TTN: variants seen among roughly 807,000 people sequenced by gnomAD.
TTN encodes the protein titin.
Under a neutral mutation model 3,223.0 loss-of-function variants are expected in TTN, and 1,525 were observed. The ratio of observed to expected loss-of-function variants is 0.47; its 90% CI spans 0.45 to 0.49. The LOEUF (loss-of-function observed/expected upper bound fraction) is 0.49, where lower values mean the gene tolerates loss of function less well. TTN is among the 20% of genes least tolerant of loss of function. The pLI is 0.00. For missense variants in TTN, 40,786 were observed against 43,424.0 expected, an observed-to-expected ratio of 0.94 and a Z score of 5.40; for synonymous variants, 14,094 against 15,161.0, an observed-to-expected ratio of 0.93 and a Z score of 5.17.
rs377630924 is a variant in TTN, at chr2:178,785,878, A to C, written c.2340T>G (p.Thr780=). The C allele has an allele frequency of 4.3e-6, 7 of 1,614,014 alleles. No individual in the cohort carries two copies. Among genetic ancestry groups the C allele is most frequent in the Non-Finnish European group, 5.9e-6 (7 of 1,180,002 alleles). The change falls in exon 14 of 363, where the codon ACT becomes ACG. Residue 780 remains threonine, a synonymous_variant. Coordinates refer to ENST00000589042, the MANE Select transcript of TTN (RefSeq NM_001267550.2). ...ATGATATGTGCATTCCCTTTTGATCAGTAGTTTTGATATGAGTCTCAGAAG... is the reference window on the plus strand; with the variant it reads ...ATGATATGTGCATTCCCTTTTGATCCGTAGTTTTGATATGAGTCTCAGAAG... ...QAPSETHIKT[T]DQKGMHISSQ...
rs794729453 is a variant in TTN at position 178,611,238 on chromosome 2, A to G, written c.50891T>C (p.Ile16964Thr). ...TAACTTTTCACCTTCAATAACAATA[A>G]TGTCATGAGTCTCCAGGTCAATTGT... ...KPTIDLETHD[I>T]IVIEGEKLSI... The change falls in exon 270 of 363, where the codon ATT becomes ACT. Residue 16964 changes from isoleucine (I) to threonine (T), a missense_variant. Ile to Thr is a moderately conservative substitution (Grantham distance 89, BLOSUM62 -1). Transcript: ENST00000589042. 12 of 1,612,516 alleles carry G rather than the reference A, an allele frequency of 7.4e-6. No individual in the cohort carries two copies. Among genetic ancestry groups the G allele is most frequent in the Middle Eastern group, 1.7e-4 (1 of 6,046 alleles).
chr2:178,797,580 C>T (rs1392862988), intron 6 of TTN, among the ~76,000 whole-genome samples: 1 of 151,944 alleles, frequency 6.6e-6, no homozygotes, highest in Admixed American at 6.6e-5. Flanking sequence ...CAATATTTTG[C>T]TTGTTTATGG....
Position 178,611,014 on chromosome 2 carries a change from A to T in TTN, c.51115T>A (p.Ser17039Thr). 1 of 1,612,446 alleles carries T rather than the reference A, an allele frequency of 6.2e-7. No homozygotes were observed. Among genetic ancestry groups the T allele is most frequent in the Non-Finnish European group, 8.5e-7 (1 of 1,179,036 alleles). Reference protein sequence around the residue: ...LENKLGSATASINVKVIGLPG... With the variant: ...LENKLGSATATINVKVIGLPG... ...TTACCTATGACTTTGACATTGATTG[A>T]GGCTGTTGCTGAGCCGAGCTTATTC... is the stretch of plus-strand genomic sequence containing the variant. The change falls in exon 270 of 363, where the codon TCA becomes ACA. Residue 17039 changes from serine (S) to threonine (T), a missense_variant. By Grantham distance (58) the Ser-to-Thr change is moderately conservative. Coordinates refer to ENST00000589042, the MANE Select transcript of TTN (RefSeq NM_001267550.2).
At position 178,790,574 on chromosome 2, in the gene TTN, A is replaced by G. The variant is rs1259241644; in HGVS notation, c.1800+134T>C. 2.1e-6 allele frequency: 3 copies of G among 1,436,040 alleles called. No individual in the cohort carries two copies. The African/African-American group carries it at 4.2e-5, about 20-fold the overall frequency. 89.0% of individuals were successfully genotyped at this position (1,436,040 alleles called of 1,614,324 possible). A position where few individuals can be genotyped will look rare whatever the true frequency, so the allele number is the denominator to read the frequency against. On this transcript the variant is annotated intron_variant, in intron 11 of 362. Coordinates refer to ENST00000589042, the MANE Select transcript of TTN (RefSeq NM_001267550.2). ...GACAGTGAAAGGTAGCTGTGTGGGA[A>G]AAGAAATTTTCTATTTGCATTATAA...
At chr2:178,674,208 T>C (rs1577243993) in intron 151 of TTN, 106 bp downstream of exon 151, 7 of 709,302 alleles carry the variant, frequency 9.9e-6, no homozygotes, top group Non-Finnish European at 1.7e-5. Context: ...CACTTTATCA[T>C]GGATACGATA....
rs763159940 is a variant in TTN at position 178,651,549 on chromosome 2, T to C, written c.39464-13A>G. 1.2e-6 allele frequency: 2 copies of C among 1,612,614 alleles called. No individual in the cohort carries two copies. The highest frequency in any genetic ancestry group is 1.7e-6 in the Non-Finnish European group (2 of 1,179,332). ...GGCACCTCGGGCACTATAAAAGATA[T>C]TAGTAGTTGTTTAAGCTCATGGTTT... On this transcript the variant is annotated splice_polypyrimidine_tract_variant and intron_variant, in intron 206 of 362. Coordinates refer to ENST00000589042, the MANE Select transcript of TTN (RefSeq NM_001267550.2).
Position 178,730,229 on chromosome 2 carries a change from G to C in TTN, c.18171C>G (p.Ala6057=). The C allele has an allele frequency of 6.2e-7, 1 of 1,613,424 alleles. No individual in the cohort carries two copies. The highest frequency in any genetic ancestry group is 8.5e-7 in the Non-Finnish European group (1 of 1,179,650). ...AGGTGTCATCCTTCCAAACTGAGCGGGCTGCTCCTGAGTGTAACTCTTTGT... is the reference window on the plus strand; with the variant it reads ...AGGTGTCATCCTTCCAAACTGAGCGCGCTGCTCCTGAGTGTAACTCTTTGT... The part of the protein sequence containing the change: ...KDNKELHSGA[A]RSVWKDDTST... Residue 6057 remains alanine, a synonymous_variant, in exon 62 of 363, where the codon GCC becomes GCG. Coordinates refer to ENST00000589042, the MANE Select transcript of TTN (RefSeq NM_001267550.2).
At position 178,651,241 on chromosome 2, in the gene TTN, A is replaced by G. The variant is rs774766702; in HGVS notation, c.39625+2T>C. 1.2e-6 allele frequency: 2 copies of G among 1,612,380 alleles called. No homozygotes were observed. The highest frequency in any genetic ancestry group is 2.2e-5 in the South Asian group (2 of 90,954). ...CTGCAGAATCTCATTAGTGACATGTACCTTTTGCTGGTGGGACTTCTGGCT... is the reference window on the plus strand; with the variant it reads ...CTGCAGAATCTCATTAGTGACATGTGCCTTTTGCTGGTGGGACTTCTGGCT... On this transcript the variant is annotated splice_donor_variant, in intron 208 of 362. Coordinates refer to ENST00000589042, the MANE Select transcript of TTN (RefSeq NM_001267550.2). LOFTEE classifies it high-confidence loss of function.
chr2:178,708,667 A>G (rs2562842), intron 99 of TTN, among the ~76,000 whole-genome samples: 7,582 of 152,228 alleles, frequency 0.05, 301 homozygotes, highest in East Asian at 0.19. Context: ...TATATTTTTC[A>G]TTTTATAAAA....
Position 178,630,926 on chromosome 2 carries a change from C to G in TTN, c.44032G>C (p.Val14678Leu). ...LDIEDREIKLVRPLHSVEVME... is the reference protein window; with the variant it reads ...LDIEDREIKLLRPLHSVEVME... ...ACCTCCACACTGTGCAGGGGTCGCA[C>G]CAGTTTAATTTCCCGATCTAGAAAA... Residue 14678 changes from valine (V) to leucine (L), a missense_variant, in exon 238 of 363, where the codon GTG becomes CTG. Val to Leu is a conservative substitution (Grantham distance 32, BLOSUM62 1). Coordinates refer to ENST00000589042, the MANE Select transcript of TTN (RefSeq NM_001267550.2). The G allele has an allele frequency of 6.2e-7, 1 of 1,611,580 alleles. No homozygotes were observed. Among genetic ancestry groups the G allele is most frequent in the Non-Finnish European group, 8.5e-7 (1 of 1,179,110 alleles).
Position 178,564,092 on chromosome 2 carries a change from T to C in TTN, c.82040A>G (p.Tyr27347Cys). The change falls in exon 326 of 363, where the codon TAT becomes TGT. Residue 27347 changes from tyrosine to cysteine, a missense_variant. By Grantham distance (194) the Tyr-to-Cys change is radical (BLOSUM62 -2). Coordinates refer to ENST00000589042, the MANE Select transcript of TTN (RefSeq NM_001267550.2). ...ACCAACATTGCTGAGTTTCAGAATA[T>C]ATTGTCCTCCATCAGTCCGTATACA... Reference protein sequence around the residue: ...KDCIRTDGGQYILKLSNVGGT... With the variant: ...KDCIRTDGGQCILKLSNVGGT... 1 of 1,613,780 alleles carries C rather than the reference T, an allele frequency of 6.2e-7. No homozygotes were observed. Among genetic ancestry groups the C allele is most frequent in the Non-Finnish European group, 8.5e-7 (1 of 1,179,746 alleles).
chr2:178,696,824 A>T (rs1207559030), intron 113 of TTN, among the ~76,000 whole-genome samples: 5 of 151,970 alleles, frequency 3.3e-5, no homozygotes, highest in Non-Finnish European at 1.5e-5. Flanking sequence ...TATTTATATG[A>T]CTCTTAACAT....
chr2:178,632,146 C>A lies in TTN; in HGVS notation c.43747+1G>T, dbSNP rs751914344. 1.9e-6 allele frequency: 3 copies of A among 1,587,618 alleles called. No individual in the cohort carries two copies. Among genetic ancestry groups the A allele is most frequent in the Non-Finnish European group, 2.6e-6 (3 of 1,166,782 alleles). On this transcript the variant is annotated splice_donor_variant, in intron 236 of 362. Coordinates refer to ENST00000589042, the MANE Select transcript of TTN (RefSeq NM_001267550.2). LOFTEE classifies it high-confidence loss of function. ...AAAATTAAAATTTAAAAAGCACTTA[C>A]CAAGCACAGTGAGTTTAGCTTCTGA...
In TTN at chr2:178,740,557, G is replaced by C. The variant is rs1479972440; in HGVS notation, c.12676C>G (p.Leu4226Val). 1.2e-6 allele frequency: 2 copies of C among 1,613,726 alleles called. No homozygotes were observed. Among genetic ancestry groups the C allele is most frequent in the Non-Finnish European group, 1.7e-6 (2 of 1,179,832 alleles). ...AGTACTTCCTCAGCCACAGAGGTTA[G>C]ATAAGAATGCATTGGAGGTTCTATT... ...SSIEPPMHSY[L>V]TSVAEEVLSP... is the part of the protein sequence containing the mutation. The change falls in exon 48 of 363, where the codon CTA becomes GTA. Residue 4226 changes from leucine to valine, a missense_variant. By Grantham distance (32) the Leu-to-Val change is conservative (BLOSUM62 1). Transcript: ENST00000589042.
intron 359 of TTN, 23 bp downstream of exon 359, chr2:178,529,937 G>A: frequency 6.3e-7 from 1 of 1,578,506 alleles, no homozygotes; most frequent in Admixed American, 2.0e-5. Flanking sequence ...AAGAAATGTG[G>A]GTAAAAACAA....
At position 178,568,724 on chromosome 2, in the gene TTN, G is replaced by A. The variant is rs1706938707; in HGVS notation, c.77408C>T (p.Ala25803Val). The A allele has an allele frequency of 6.2e-7, 1 of 1,613,108 alleles. No homozygotes were observed. The highest frequency in any genetic ancestry group is 1.3e-5 in the African/African-American group (1 of 74,892). Residue 25803 changes from alanine to valine, a missense_variant, in exon 326 of 363, where the codon GCA (alanine) becomes GTA (valine). Ala to Val is a moderately conservative substitution (Grantham distance 64, BLOSUM62 0). Transcript: ENST00000589042. ...DLVIEPDVKPAFSSYSVQVGQ... is the reference protein window; with the variant it reads ...DLVIEPDVKPVFSSYSVQVGQ... ...AACCTGTACACTGTAACTACTGAAT[G>A]CAGGTTTTACATCTGGCTCAATTAC...
chr2:178,730,282 G>A lies in TTN; in HGVS notation c.18118C>T (p.Pro6040Ser). ...TCTTTAAACCACTTTATTGTCATGG[G>A]TGCAGTGCCACCCACAAGAGCCTTT... ...QLKALVGGTA[P>S]MTIKWFKDNK... The change falls in exon 62 of 363, where the codon CCC (proline) becomes TCC (serine). Residue 6040 changes from proline (P) to serine (S), a missense_variant. By Grantham distance (74) the Pro-to-Ser change is moderately conservative. Coordinates refer to ENST00000589042, the MANE Select transcript of TTN (RefSeq NM_001267550.2). 1 of 1,612,616 alleles carries A rather than the reference G, an allele frequency of 6.2e-7. No individual in the cohort carries two copies.
At chr2:178,803,692 A>G (rs2094175425) in intron 2 of TTN, among the ~76,000 whole-genome samples, 1 of 152,078 alleles carries the variant, frequency 6.6e-6, no homozygotes, top group Non-Finnish European at 1.5e-5. Flanking sequence ...GCACTAAATT[A>G]AGAATTAAGC....
At chr2:178,642,725 C>T (rs2061404795) in intron 218 of TTN, among the ~76,000 whole-genome samples, 1 of 151,900 alleles carries the variant, frequency 6.6e-6, no homozygotes, top group African/African-American at 2.4e-5. Context: ...AGTGTTAGTG[C>T]CATCATTCAG....
Sources: allele counts gnomAD v4.1 joint callset (sites outside exome capture counted in the v4.1 genomes callset), GRCh38; gene constraint gnomAD v4.1.1; transcripts MANE v1.5; gene names NCBI Gene and HGNC (gene_info 2026-07-23, HGNC 2026-07-21).